The following FOLH1 variants were observed in gnomAD, a reference collection of about 807,000 sequenced individuals.
The protein encoded by FOLH1 is folate hydrolase 1.
In FOLH1, 54 loss-of-function variants were observed where a neutral mutation model predicts 93.9. That is an observed-to-expected ratio of 0.57 (90% CI 0.46 to 0.72). FOLH1 has a LOEUF of 0.72. FOLH1 is among the 30% of genes least tolerant of loss of function. The pLI is 0.00. For synonymous variants in FOLH1, 249 were observed against 303.6 expected (o/e 0.82, Z 1.87); for missense variants, 571 against 892.5 (o/e 0.64, Z 4.59).
chr11:49,173,688 T>C (rs559142502), intron 9 of FOLH1, among the ~76,000 whole-genome samples: 1 of 152,260 alleles, frequency 6.6e-6, no homozygotes, highest in South Asian at 2.1e-4. Flanking sequence ...CAAATATATA[T>C]TTCAATGTAT....
intron 5 of FOLH1, among the ~76,000 whole-genome samples, chr11:49,186,258 T>C (rs1204433742): frequency 6.6e-6 from 1 of 152,382 alleles, no homozygotes; most frequent in Non-Finnish European, 1.5e-5. Context: ...ATTTGCTATG[T>C]GTAAATTGTT....
chr11:49,184,083 TTC>T (rs1391161169), intron 6 of FOLH1, among the ~76,000 whole-genome samples: 79 of 152,330 alleles, frequency 5.2e-4, no homozygotes, highest in African/African-American at 1.8e-3. Context: ...TTCCATTTTT[TTC>T]TCTGTTTTTA....
chr11:49,151,258 G>T (rs1441698084), intron 17 of FOLH1, among the ~76,000 whole-genome samples: 1 of 152,186 alleles, frequency 6.6e-6, no homozygotes, highest in Non-Finnish European at 1.5e-5. Context: ...ATGAAACACA[G>T]AATACCTGTT....
At position 49,208,530 on chromosome 11, in the gene FOLH1, G is replaced by T; in HGVS notation, c.-121C>A. ...AATCTCACTAATGCCTCGCTTATCA[G>T]CCCTGCAGGCTGGAATTCGCTCCAG... On this transcript the variant is annotated 5_prime_UTR_variant, in exon 1 of 19. In the 5' UTR this introduces an upstream ATG that the reference lacks. Transcript: ENST00000256999. The T allele has an allele frequency of 1.5e-6, 1 of 646,974 alleles. No homozygotes were observed. The highest frequency in any genetic ancestry group is 2.6e-6 in the Non-Finnish European group (1 of 384,154). The allele number at this position is 646,974 out of a possible 1,614,324, so 40.1% of individuals were successfully genotyped here.
chr11:49,208,522 G>A lies in FOLH1; in HGVS notation c.-113C>T. 1.5e-6 allele frequency: 1 copy of A among 685,680 alleles called. No individual in the cohort carries two copies. The highest frequency in any genetic ancestry group is 2.4e-6 in the Non-Finnish European group (1 of 410,646). 42.5% of individuals were successfully genotyped at this position (685,680 alleles called of 1,614,324 possible). On this transcript the variant is annotated 5_prime_UTR_variant, in exon 1 of 19. Coordinates refer to ENST00000256999, the MANE Select transcript of FOLH1 (RefSeq NM_004476.3). ...TCTCTCTCAATCTCACTAATGCCTC[G>A]CTTATCAGCCCTGCAGGCTGGAATT...
intron 4 of FOLH1, among the ~76,000 whole-genome samples, chr11:49,187,511 T>G (rs202708): frequency 0.99 from 150,969 of 152,264 alleles, 74,863 homozygotes; most frequent in East Asian, 1. Context: ...TTGATCCAAA[T>G]GATTTAAATA....
chr11:49,177,799 A>AAG (rs1422255578), intron 7 of FOLH1, among the ~76,000 whole-genome samples: 1 of 151,076 alleles, frequency 6.6e-6, no homozygotes, highest in Non-Finnish European at 1.5e-5. Context: ...AAAAAAAAAA[A>AAG]AAAAAGGCAA....
chr11:49,207,948 C>CAAACAAAACAAAACA (rs74962694), intron 1 of FOLH1: 11,971 of 496,308 alleles, frequency 0.024, 529 homozygotes, highest in African/African-American at 0.14. Flanking sequence ...AACAAACAAA[C>CAAACAAAACAAAACA]AAACAAAACA....
Position 49,174,950 on chromosome 11 carries a change from G to T in FOLH1, c.1047C>A (p.Thr349=), listed in dbSNP as rs1190095371. Residue 349 remains threonine, a synonymous_variant, in exon 9 of 19, where the codon ACC becomes ACA. Coordinates refer to ENST00000256999, the MANE Select transcript of FOLH1 (RefSeq NM_004476.3). ...TQKVKMHIHS[T]NEVTRIYNVI... ...CATTGTAAATTCTTGTCACTTCATTGGTAGAGTGGATGTGCATCTTGACTT... is the reference window on the plus strand; with the variant it reads ...CATTGTAAATTCTTGTCACTTCATTTGTAGAGTGGATGTGCATCTTGACTT... The T allele has an allele frequency of 6.2e-7, 1 of 1,610,610 alleles. No homozygotes were observed. The highest frequency in any genetic ancestry group is 8.5e-7 in the Non-Finnish European group (1 of 1,178,208).
chr11:49,153,917 A>G lies in FOLH1; in HGVS notation c.1899T>C (p.Phe633=). ...TTTCTGTAAAATTCTTTACTGCAGA[A>G]AAAAGTGAATCTGAAATAGAAATTG... The part of the protein sequence containing the change: ...KTYSVSFDSL[F]SAVKNFTEIA... The change falls in exon 17 of 19, where the codon TTT becomes TTC. Residue 633 remains phenylalanine, a synonymous_variant. Transcript: ENST00000256999. The G allele has an allele frequency of 6.9e-6, 11 of 1,603,214 alleles. No individual in the cohort carries two copies. The highest frequency in any genetic ancestry group is 9.4e-6 in the Non-Finnish European group (11 of 1,175,704).
chr11:49,160,915 G>A (rs1590461155), intron 13 of FOLH1, among the ~76,000 whole-genome samples: 1 of 152,266 alleles, frequency 6.6e-6, no homozygotes, highest in South Asian at 2.1e-4. Context: ...TCAGGAGCAG[G>A]TTATTCAATT....
chr11:49,180,374 A>G (rs2135151199), intron 7 of FOLH1, among the ~76,000 whole-genome samples: 1 of 152,334 alleles, frequency 6.6e-6, no homozygotes, highest in Admixed American at 6.5e-5. Context: ...TGTTCAGGGT[A>G]CATGTAAAGA....
chr11:49,155,951 C>T (rs1344582949), intron 15 of FOLH1, among the ~76,000 whole-genome samples: 1 of 151,262 alleles, frequency 6.6e-6, no homozygotes, highest in African/African-American at 2.4e-5. Context: ...ATAATCCCCA[C>T]GTGTCATGGG....
In FOLH1 at chr11:49,186,691, C is replaced by CA. The variant is rs1371492379; in HGVS notation, c.591dup (p.Gly198TrpfsTer16). The CA allele has an allele frequency of 6.2e-7, 1 of 1,613,054 alleles. No homozygotes were observed. Among genetic ancestry groups the CA allele is most frequent in the Non-Finnish European group, 8.5e-7 (1 of 1,179,604 alleles). On this transcript the variant is annotated frameshift_variant, in exon 5 of 19. Coordinates refer to ENST00000256999, the MANE Select transcript of FOLH1 (RefSeq NM_004476.3). LOFTEE classifies it high-confidence loss of function. ...CCATATCTGGCAATTACAATTTTCCCAGAGCAATTGATTTTCATGTCCCGT... is the reference window on the plus strand; with the variant it reads ...CCATATCTGGCAATTACAATTTTCCCAAGAGCAATTGATTTTCATGTCCCGT...
chr11:49,154,034 T>A, intron 16 of FOLH1, 107 bp from the exon 17 acceptor site: 1 of 1,318,036 alleles, frequency 7.6e-7, no homozygotes, highest in East Asian at 2.4e-5. Flanking sequence ...TCTTTTGTGT[T>A]TTACAAGGTA....
Position 49,156,701 on chromosome 11 carries a change from T to C in FOLH1, c.1623+16A>G. ...CATATTCATAAATAATCTTAGATAATTTGAGATTCACTTACCCAATTTTTA... is the reference window on the plus strand; with the variant it reads ...CATATTCATAAATAATCTTAGATAACTTGAGATTCACTTACCCAATTTTTA... On this transcript the variant is annotated intron_variant, in intron 15 of 18. Coordinates refer to ENST00000256999, the MANE Select transcript of FOLH1 (RefSeq NM_004476.3). The C allele has an allele frequency of 6.2e-7, 1 of 1,612,530 alleles. No individual in the cohort carries two copies. Among genetic ancestry groups the C allele is most frequent in the Non-Finnish European group, 8.5e-7 (1 of 1,178,886 alleles).
rs190357854 is a variant in FOLH1, at chr11:49,200,891, C to T, written c.225-450G>A. Among the ~76,000 whole-genome samples the T allele has an allele frequency of 1.3e-3, 199 of 152,162 alleles. 1 individual carries two copies. The highest frequency in any genetic ancestry group is 4.5e-3 in the African/African-American group (187 of 41,540). On this transcript the variant is annotated intron_variant, in intron 2 of 18. Transcript: ENST00000256999. ...CTGAGAGTTATAGACAAGTGATAAA[C>T]TTTTTGATTAGCAACCATTTATAAA...
chr11:49,182,247 T>C (rs1355699084), intron 7 of FOLH1, among the ~76,000 whole-genome samples: 3 of 141,330 alleles, frequency 2.1e-5, no homozygotes, highest in Admixed American at 1.6e-4. Context: ...GAGAATCACT[T>C]GAACCCAGGA....
intron 12 of FOLH1, among the ~76,000 whole-genome samples, chr11:49,168,349 T>A (rs535966882): frequency 6.6e-6 from 1 of 152,032 alleles, no homozygotes; most frequent in African/African-American, 2.4e-5. Context: ...AAGATATAGA[T>A]ATATTAGTGG....
Sources: gnomAD v4.1 joint callset for allele counts (sites outside exome capture counted in the v4.1 genomes callset) on GRCh38, gnomAD v4.1.1 for gene constraint, MANE v1.5 for transcripts, NCBI Gene and HGNC (gene_info 2026-07-23, HGNC 2026-07-21) for gene names.